GPR19: variants seen among roughly 807,000 people sequenced by gnomAD.
The protein encoded by GPR19 is G protein-coupled receptor 19.
A neutral mutation model predicts 28.5 loss-of-function variants in GPR19; 14 were observed. The observed-to-expected ratio is 0.49, with a 90% CI of 0.32 to 0.77. The LOEUF (loss-of-function observed/expected upper bound fraction) is 0.77, where lower values mean the gene tolerates loss of function less well. Ranked by LOEUF, GPR19 falls within the 30% of genes least tolerant of loss-of-function variation. GPR19 has a pLI of 0.03. For synonymous variants in GPR19, 173 were observed against 184.1 expected, an observed-to-expected ratio of 0.94 and a Z score of 0.49; for missense variants, 409 against 504.1, an observed-to-expected ratio of 0.81 and a Z score of 1.81.
At chr12:12,705,745 T>G in the GPR19 span, among the ~76,000 whole-genome samples, 1 of 152,090 alleles carries the variant, frequency 6.6e-6, no homozygotes, top group African/African-American at 2.4e-5. Context: ...ACACAGGGTT[T>G]CACTATGTTG....
chr12:12,703,434 G>A, the GPR19 span: 7 of 985,060 alleles, frequency 7.1e-6, 1 homozygote, highest in South Asian at 3.3e-4. Flanking sequence ...CAAACTATGG[G>A]ACCTTGAAAG....
chr12:12,716,463 A>T, the GPR19 span, among the ~76,000 whole-genome samples: 2 of 152,128 alleles, frequency 1.3e-5, no homozygotes, highest in Admixed American at 1.3e-4. Flanking sequence ...GTAGAAAGGG[A>T]CGAGTTCCCA....
At chr12:12,664,036 C>T (rs528698291) in intron 3 of GPR19, among the ~76,000 whole-genome samples, 19 of 152,142 alleles carry the variant, frequency 1.2e-4, no homozygotes, top group Non-Finnish European at 2.5e-4. Context: ...CTCCGTCCCC[C>T]GGGCTGGTGT....
upstream of GPR19, among the ~76,000 whole-genome samples, chr12:12,698,846 G>A (rs537126803): frequency 2.0e-4 from 31 of 151,854 alleles, no homozygotes; most frequent in Admixed American, 1.4e-3. Flanking sequence ...TCCTGACCTC[G>A]TGATCCGCCA....
chr12:12,706,570 C>T, the GPR19 span, among the ~76,000 whole-genome samples: 57 of 152,298 alleles, frequency 3.7e-4, no homozygotes, highest in African/African-American at 1.2e-3. Context: ...TCTGCTTACT[C>T]GACATCTCCA....
chr12:12,706,402 C>A, the GPR19 span, among the ~76,000 whole-genome samples: 1 of 152,116 alleles, frequency 6.6e-6, no homozygotes, highest in African/African-American at 2.4e-5. Flanking sequence ...GTTGTAGTAC[C>A]CTAAGGCTAA....
chr12:12,674,720 AT>A, intron 3 of GPR19, among the ~76,000 whole-genome samples: 1 of 152,308 alleles, frequency 6.6e-6, no homozygotes, highest in East Asian at 1.9e-4. Context: ...GAATCAATTC[AT>A]TCATCACTCC....
At position 12,661,767 on chromosome 12, in the gene GPR19, A is replaced by G; in HGVS notation, c.682T>C (p.Phe228Leu). ...WEGTAYTVIHFLVGFVIPSVL... is the reference protein window; with the variant it reads ...WEGTAYTVIHLLVGFVIPSVL... ...GATGGAATCACAAAGCCCACCAAGA[A>G]GTGGATGACAGTGTAGGCAGTGCCT... Residue 228 changes from phenylalanine to leucine, a missense_variant, in exon 4 of 4, where the codon TTC (phenylalanine) becomes CTC (leucine). Coordinates refer to ENST00000651487, the MANE Select transcript of GPR19 (RefSeq NM_006143.3). The surrounding 1 kb of genome is among the most constrained non-coding windows in gnomAD (Gnocchi z 4.2). 2 of 1,614,064 alleles carry G rather than the reference A, an allele frequency of 1.2e-6. No homozygotes were observed. The highest frequency in any genetic ancestry group is 1.7e-6 in the Non-Finnish European group (2 of 1,179,952).
chr12:12,662,260 C>T lies in GPR19; in HGVS notation c.189G>A (p.Gly63=), dbSNP rs753504048. ...AGAAGATGCTGGCTGTGGCCACTTC[C>T]CCGGGTTTCAGCACATAGTGAAGGT... ...QTDLHYVLKP[G]EVATASIFFG... The change falls in exon 4 of 4, where the codon GGG becomes GGA. Residue 63 remains glycine (G), a synonymous_variant. Transcript: ENST00000651487. 85 of 1,614,070 alleles carry T rather than the reference C, an allele frequency of 5.3e-5. 2 individuals are homozygous for T. In the South Asian group the frequency reaches 8.1e-4, roughly 15 times the overall value.
At chr12:12,664,380 A>T (rs1945727940) in intron 3 of GPR19, among the ~76,000 whole-genome samples, 1 of 152,172 alleles carries the variant, frequency 6.6e-6, no homozygotes, top group Non-Finnish European at 1.5e-5. Context: ...TATATTCAAT[A>T]CAAGTCTAGT....
the GPR19 span, among the ~76,000 whole-genome samples, chr12:12,710,280 G>A: frequency 6.6e-6 from 1 of 151,366 alleles, no homozygotes; most frequent in Non-Finnish European, 1.5e-5. Flanking sequence ...TTGAACCTGG[G>A]AGGTGGAGGT....
chr12:12,662,818 C>A (rs9804739), intron 3 of GPR19, among the ~76,000 whole-genome samples: 1 of 152,144 alleles, frequency 6.6e-6, no homozygotes, highest in Non-Finnish European at 1.5e-5. Context: ...CTCATGGTAA[C>A]GGTGTTACCA....
At position 12,662,060 on chromosome 12, in the gene GPR19, C is replaced by T; in HGVS notation, c.389G>A (p.Arg130Lys). The T allele has an allele frequency of 6.2e-7, 1 of 1,614,218 alleles. No homozygotes were observed. The part of the protein sequence containing the change: ...PFVLLQFTTG[R>K]WTLGSATCKV... ...GCACGTTGCACTACCCAGCGTCCACCTTCCAGTGGTGAACTGGAGCAGGAC... is the reference window on the plus strand; with the variant it reads ...GCACGTTGCACTACCCAGCGTCCACTTTCCAGTGGTGAACTGGAGCAGGAC... The change falls in exon 4 of 4, where the codon AGG (arginine) becomes AAG (lysine). Residue 130 changes from arginine (R) to lysine (K), a missense_variant. By Grantham distance (26) the Arg-to-Lys change is conservative (BLOSUM62 2). Transcript: ENST00000651487.
upstream of GPR19, among the ~76,000 whole-genome samples, chr12:12,696,493 A>G (rs1479806444): frequency 6.6e-6 from 1 of 152,100 alleles, no homozygotes; most frequent in African/African-American, 2.4e-5. Flanking sequence ...GAGGAATTCC[A>G]CGAAGAAGAT....
chr12:12,681,335 C>T (rs1237928396), intron 3 of GPR19, among the ~76,000 whole-genome samples: 1 of 152,208 alleles, frequency 6.6e-6, no homozygotes, highest in African/African-American at 2.4e-5. Context: ...ATCACTTTCT[C>T]ATAGTCTTTA....
chr12:12,711,939 A>C, the GPR19 span, among the ~76,000 whole-genome samples: 2 of 152,112 alleles, frequency 1.3e-5, no homozygotes, highest in Non-Finnish European at 2.9e-5. Context: ...TGTTGATTGA[A>C]TAACTCATCA....
In GPR19 at chr12:12,662,053, C is replaced by G; in HGVS notation, c.396G>C (p.Thr132=). 6.2e-7 allele frequency: 1 copy of G among 1,614,228 alleles called. No homozygotes were observed. Among genetic ancestry groups the G allele is most frequent in the Non-Finnish European group, 8.5e-7 (1 of 1,180,042 alleles). The change falls in exon 4 of 4, where the codon ACG becomes ACC. Residue 132 remains threonine, a synonymous_variant. Transcript: ENST00000651487. ...CAACCTTGCACGTTGCACTACCCAG[C>G]GTCCACCTTCCAGTGGTGAACTGGA... ...VLLQFTTGRW[T]LGSATCKVVR... is the part of the protein sequence containing the mutation.
rs199810224 is a variant in GPR19 at position 12,661,919 on chromosome 12, C to T, written c.530G>A (p.Arg177Lys). 1.2e-6 allele frequency: 2 copies of T among 1,614,224 alleles called. No homozygotes were observed. Among genetic ancestry groups the T allele is most frequent in the African/African-American group, 2.7e-5 (2 of 75,068 alleles). The change falls in exon 4 of 4, where the codon AGA becomes AAA. Residue 177 changes from arginine (R) to lysine (K), a missense_variant. Coordinates refer to ENST00000651487, the MANE Select transcript of GPR19 (RefSeq NM_006143.3). This position sits in a 1 kb window ranked among gnomAD's most constrained non-coding sequence, Gnocchi z 4.2. Reference protein sequence around the residue: ...IVYPLSFKVSREKAKKMIAAS... With the variant: ...IVYPLSFKVSKEKAKKMIAAS... ...CGCAATCATTTTCTTGGCTTTTTCT[C>T]TGGACACCTTGAAGCTCAGAGGATA...
At chr12:12,669,367 TTGAAA>T (rs139534529) in intron 3 of GPR19, among the ~76,000 whole-genome samples, 2,198 of 152,344 alleles carry the variant, frequency 0.014, 55 homozygotes, top group African/African-American at 0.049. Flanking sequence ...TCAATTTGAA[TTGAAA>T]TGAGGAAAAA....
Sources: allele counts gnomAD v4.1 joint callset (sites outside exome capture counted in the v4.1 genomes callset), GRCh38; gene constraint gnomAD v4.1.1; non-coding constraint Gnocchi (gnomAD v3.1); transcripts MANE v1.5; gene names NCBI Gene and HGNC (gene_info 2026-07-23, HGNC 2026-07-21).